Variants in NAA50 observed in about 807,000 individuals in gnomAD.
NAA50 encodes the protein N-alpha-acetyltransferase 50.
A neutral mutation model predicts 20.7 loss-of-function variants in NAA50; 7 were observed. The ratio of observed to expected loss-of-function variants is 0.34; its 90% CI spans 0.19 to 0.63. NAA50 has a LOEUF of 0.63. Ranked by LOEUF, NAA50 falls within the 30% of genes least tolerant of loss-of-function variation. NAA50 has a pLI of 0.75. For missense variants in NAA50, 111 were observed against 199.1 expected, an observed-to-expected ratio of 0.56 and a Z score of 2.66; for synonymous variants, 54 against 70.6, an observed-to-expected ratio of 0.77 and a Z score of 1.18.
chr3:113,723,556 A>T lies in NAA50; in HGVS notation c.146-15T>A. The T allele has an allele frequency of 6.3e-7, 1 of 1,597,270 alleles. No individual in the cohort carries two copies. Among genetic ancestry groups the T allele is most frequent in the Non-Finnish European group, 8.5e-7 (1 of 1,172,928 alleles). On this transcript the variant is annotated splice_polypyrimidine_tract_variant and intron_variant, in intron 2 of 4. Coordinates refer to ENST00000240922, the MANE Select transcript of NAA50 (RefSeq NM_025146.4). Reference sequence around the variant, plus strand: ...ATTGAAATAGGCTGCCAAGGAAAACATAAAGATATAATGTTGAACAGACAG... The same window carrying T: ...ATTGAAATAGGCTGCCAAGGAAAACTTAAAGATATAATGTTGAACAGACAG...
chr3:113,732,476 T>C (rs1041391405), intron 1 of NAA50, among the ~76,000 whole-genome samples: 4 of 152,286 alleles, frequency 2.6e-5, no homozygotes, highest in African/African-American at 9.6e-5. Flanking sequence ...TCTCTTATAG[T>C]ACAGGAGGCT....
chr3:113,736,256 C>G (rs981257441), intron 1 of NAA50, among the ~76,000 whole-genome samples: 49 of 152,090 alleles, frequency 3.2e-4, no homozygotes, highest in African/African-American at 1.1e-3. Context: ...AATCAAACCC[C>G]AAGGCATTTT....
chr3:113,743,822 T>C (rs912752375), intron 1 of NAA50, among the ~76,000 whole-genome samples: 3 of 152,244 alleles, frequency 2.0e-5, no homozygotes, highest in Admixed American at 6.5e-5. Context: ...TCTAGGGATC[T>C]GCCTTCATCA....
At chr3:113,725,385 A>T (rs1435803822) in intron 1 of NAA50, among the ~76,000 whole-genome samples, 1 of 152,246 alleles carries the variant, frequency 6.6e-6, no homozygotes, top group Admixed American at 6.5e-5. Flanking sequence ...ACATGCTTGA[A>T]AGGATTTTAA....
intron 1 of NAA50, among the ~76,000 whole-genome samples, chr3:113,742,857 T>C (rs1708437011): frequency 6.6e-6 from 1 of 152,200 alleles, no homozygotes. Context: ...GAAGGCTAAA[T>C]GATTTGGTTT....
chr3:113,743,736 A>T (rs1256340475), intron 1 of NAA50, among the ~76,000 whole-genome samples: 1 of 152,306 alleles, frequency 6.6e-6, no homozygotes, highest in Non-Finnish European at 1.5e-5. Flanking sequence ...AGTAATAGGA[A>T]CTTCACTGGC....
intron 1 of NAA50, among the ~76,000 whole-genome samples, chr3:113,745,122 T>C (rs570612363): frequency 4.6e-5 from 7 of 152,328 alleles, no homozygotes; most frequent in African/African-American, 1.7e-4. Context: ...ACTATACAAC[T>C]TAATGGTAAG....
chr3:113,726,286 G>C (rs1373338582), intron 1 of NAA50, among the ~76,000 whole-genome samples: 2 of 152,088 alleles, frequency 1.3e-5, no homozygotes, highest in Non-Finnish European at 1.5e-5. Context: ...ACATTTTCTT[G>C]TTATAGTCTC....
In NAA50 at chr3:113,721,687, G is replaced by A. The variant is rs142991144; in HGVS notation, c.*73C>T. 1.1e-4 allele frequency: 162 copies of A among 1,487,710 alleles called. 1 individual carries two copies. The Middle Eastern group carries it at 2.0e-3, about 19-fold the overall frequency. 92.2% of individuals were successfully genotyped at this position (1,487,710 alleles called of 1,614,324 possible). A position where few individuals can be genotyped will look rare whatever the true frequency, so the allele number is the denominator to read the frequency against. On this transcript the variant is annotated 3_prime_UTR_variant, in exon 5 of 5. Transcript: ENST00000240922. Reference sequence around the variant, plus strand: ...AAAGCTTTAAAAGAAAAGTGTTGGGGTGGGGGAGGAATCAATGGGCCTCTC... The same window carrying A: ...AAAGCTTTAAAAGAAAAGTGTTGGGATGGGGGAGGAATCAATGGGCCTCTC...
chr3:113,721,909 T>C lies in NAA50; in HGVS notation c.361A>G (p.Ile121Val). The change falls in exon 5 of 5, where the codon ATT (isoleucine) becomes GTT (valine). Residue 121 changes from isoleucine to valine, a missense_variant. Physicochemically the swap from Ile to Val is conservative, Grantham distance 29. Coordinates refer to ENST00000240922, the MANE Select transcript of NAA50 (RefSeq NM_025146.4). ...LHVQISNESA[I>V]DFYRKFGFEI... ...AAGCCAAACTTCCTGTAGAAGTCAA[T>C]TGCCGACTCATTGCTGATCTGGACA... 4 of 1,613,800 alleles carry C rather than the reference T, an allele frequency of 2.5e-6. No individual in the cohort carries two copies. Among genetic ancestry groups the C allele is most frequent in the Non-Finnish European group, 3.4e-6 (4 of 1,179,782 alleles).
rs77604179 is a variant in NAA50 at position 113,735,501 on chromosome 3, T to C, written c.8+10441A>G. On this transcript the variant is annotated intron_variant, in intron 1 of 4. Coordinates refer to ENST00000240922, the MANE Select transcript of NAA50 (RefSeq NM_025146.4). ...AGAGAACGGGTCATTGGAAAAACTA[T>C]CCTATATGATCACAACGGATCATGA... Among the ~76,000 whole-genome samples the C allele has an allele frequency of 8.9e-3, 1,362 of 152,300 alleles. 18 individuals carry two copies. Among genetic ancestry groups the C allele is most frequent in the African/African-American group, 0.031 (1,289 of 41,572 alleles).
At chr3:113,743,319 A>C (rs557091574) in intron 1 of NAA50, among the ~76,000 whole-genome samples, 2 of 152,314 alleles carry the variant, frequency 1.3e-5, no homozygotes, top group African/African-American at 4.8e-5. Flanking sequence ...AGATATTTCA[A>C]TTTACTGTTT....
At chr3:113,728,988 CT>C (rs1336718794) in intron 1 of NAA50, among the ~76,000 whole-genome samples, 255 of 142,150 alleles carry the variant, frequency 1.8e-3, no homozygotes, top group Admixed American at 1.8e-3. Context: ...TTTTCCTTTT[CT>C]TTTTTTTTTT....
intron 1 of NAA50, among the ~76,000 whole-genome samples, chr3:113,729,534 TTTTCTTTC>T (rs149667287): frequency 2.7e-5 from 4 of 148,868 alleles, no homozygotes; most frequent in Admixed American, 6.6e-5. Context: ...TAATACGCAG[TTTTCTTTC>T]TTTCTTTTTT....
At chr3:113,734,457 A>G (rs1708313362) in intron 1 of NAA50, among the ~76,000 whole-genome samples, 1 of 152,190 alleles carries the variant, frequency 6.6e-6, no homozygotes, top group Admixed American at 6.5e-5. Flanking sequence ...TCTAAGATAA[A>G]AGCTGAAAAA....
intron 1 of NAA50, among the ~76,000 whole-genome samples, chr3:113,726,756 A>AC: frequency 6.6e-6 from 1 of 151,996 alleles, no homozygotes; most frequent in East Asian, 1.9e-4. Context: ...AAAAAAAAAA[A>AC]AGAAAGAAAG....
chr3:113,729,462 T>C (rs1708243061), intron 1 of NAA50, among the ~76,000 whole-genome samples: 1 of 152,232 alleles, frequency 6.6e-6, no homozygotes, highest in African/African-American at 2.4e-5. Context: ...TTGACGCTTT[T>C]ATCATTTTGA....
In NAA50 at chr3:113,723,879, T is replaced by A. The variant is rs570588473; in HGVS notation, c.145+80A>T. 4.1e-5 allele frequency: 57 copies of A among 1,397,916 alleles called. 1 individual carries two copies. The highest frequency in any genetic ancestry group is 3.1e-4 in the South Asian group (18 of 58,186). The allele number at this position is 1,397,916 out of a possible 1,614,324, so 86.6% of individuals were successfully genotyped here. A position where few individuals can be genotyped will look rare whatever the true frequency, so the allele number is the denominator to read the frequency against. ...AATAAACAAACTAAATTAGTTAACT[T>A]CTTCTGCTCTATAAAAAACTAGGGT... On this transcript the variant is annotated intron_variant, in intron 2 of 4. Coordinates refer to ENST00000240922, the MANE Select transcript of NAA50 (RefSeq NM_025146.4).
chr3:113,740,946 T>C, intron 1 of NAA50: 1 of 513,590 alleles, frequency 1.9e-6, no homozygotes, highest in Non-Finnish European at 3.9e-6. Context: ...AACAGAAGCT[T>C]TATCACTTTG....
Sources: gnomAD v4.1 joint callset for allele counts (sites outside exome capture counted in the v4.1 genomes callset) on GRCh38, gnomAD v4.1.1 for gene constraint, MANE v1.5 for transcripts, NCBI Gene and HGNC (gene_info 2026-07-23, HGNC 2026-07-21) for gene names.